The following OLFML1 variants were observed in gnomAD, a reference collection of about 807,000 sequenced individuals.
OLFML1 encodes the protein olfactomedin like 1.
OLFML1 carries 33 observed loss-of-function variants against 37.3 expected under a neutral mutation model. That is an observed-to-expected ratio of 0.88 (90% CI 0.67 to 1.18). OLFML1 has a LOEUF of 1.18. Among genes scored for constraint, OLFML1 ranks in the 50% most tolerant of loss-of-function variants. The probability of loss-of-function intolerance (pLI) is 0.00; values close to 1 mark genes in which losing one functional copy is unlikely to be tolerated. For synonymous variants in OLFML1, 186 were observed against 181.3 expected, an observed-to-expected ratio of 1.03 and a Z score of -0.21; for missense variants, 545 against 483.7, an observed-to-expected ratio of 1.13 and a Z score of -1.19.
At position 7,510,843 on chromosome 11, in the gene OLFML1, C is replaced by T. The variant is rs1848851375; in HGVS notation, c.*655C>T. 6.6e-6 allele frequency: 1 copy of T among 152,178 alleles called. No homozygotes were observed. Among genetic ancestry groups the T allele is most frequent in the African/African-American group, 2.4e-5 (1 of 41,424 alleles). The allele number at this position is 152,178 out of a possible 1,614,324, so 9.4% of individuals were successfully genotyped here. ...TTATTGAGGTTTAACCTCTATTTCC[C>T]CTAGCCCTGTCCTTCCACTAAGCTT... On this transcript the variant is annotated 3_prime_UTR_variant, in exon 3 of 3. Coordinates refer to ENST00000329293, the MANE Select transcript of OLFML1 (RefSeq NM_198474.4).
At chr11:7,493,370 G>A (rs913300198) in intron 2 of OLFML1, among the ~76,000 whole-genome samples, 1 of 152,198 alleles carries the variant, frequency 6.6e-6, no homozygotes, top group Non-Finnish European at 1.5e-5. Context: ...CAAATAAAAT[G>A]TATCTGTTTG....
chr11:7,489,875 A>AT, intron 2 of OLFML1, among the ~76,000 whole-genome samples: 1 of 151,926 alleles, frequency 6.6e-6, no homozygotes, highest in African/African-American at 2.4e-5. Context: ...TTACTCTATA[A>AT]TTTTTTTCAG....
At chr11:7,489,527 C>T (rs1264969816) in intron 2 of OLFML1, among the ~76,000 whole-genome samples, 1 of 151,756 alleles carries the variant, frequency 6.6e-6, no homozygotes, top group Non-Finnish European at 1.5e-5. Flanking sequence ...AGTTGAAGCT[C>T]ACTGGAGAAA....
chr11:7,503,498 G>A (rs1240797140), intron 2 of OLFML1, among the ~76,000 whole-genome samples: 7 of 152,186 alleles, frequency 4.6e-5, no homozygotes, highest in South Asian at 2.1e-4. Context: ...GGAGGCTGCC[G>A]GTGACCTTGA....
At chr11:7,494,016 C>T (rs1848633606) in intron 2 of OLFML1, among the ~76,000 whole-genome samples, 2 of 152,164 alleles carry the variant, frequency 1.3e-5, no homozygotes, top group African/African-American at 4.8e-5. Context: ...AGGGGGCAGG[C>T]ATTAAGTAGA....
At position 7,488,320 on chromosome 11, in the gene OLFML1, C is replaced by G. The variant is rs150131057; in HGVS notation, c.323C>G (p.Ala108Gly). 1.6e-4 allele frequency: 264 copies of G among 1,614,052 alleles called. 1 individual carries two copies. The African/African-American group carries it at 3.3e-3, about 20-fold the overall frequency. ...EIDYIQYLREADECIESEDKT... is the reference protein window; with the variant it reads ...EIDYIQYLREGDECIESEDKT... ...GACTACATACAATACCTTCGAGAGGCTGACGAGTGCATCGAATCAGAGGAC... is the reference window on the plus strand; with the variant it reads ...GACTACATACAATACCTTCGAGAGGGTGACGAGTGCATCGAATCAGAGGAC... Residue 108 changes from alanine (A) to glycine (G), a missense_variant, in exon 2 of 3, where the codon GCT becomes GGT. Coordinates refer to ENST00000329293, the MANE Select transcript of OLFML1 (RefSeq NM_198474.4).
intron 2 of OLFML1, among the ~76,000 whole-genome samples, chr11:7,491,951 T>C (rs1032429869): frequency 2.6e-5 from 4 of 152,192 alleles, no homozygotes; most frequent in African/African-American, 9.7e-5. Context: ...TAATTTCCTA[T>C]TGATAACTTC....
chr11:7,487,659 T>C (rs2134174047), intron 1 of OLFML1, among the ~76,000 whole-genome samples: 1 of 152,276 alleles, frequency 6.6e-6, no homozygotes, highest in Non-Finnish European at 1.5e-5. Flanking sequence ...CCCTTAATAA[T>C]CTGATGAAGA....
At chr11:7,502,460 A>G (rs1307377974) in intron 2 of OLFML1, among the ~76,000 whole-genome samples, 1 of 152,242 alleles carries the variant, frequency 6.6e-6, no homozygotes, top group African/African-American at 2.4e-5. Flanking sequence ...GTAAGAAAAA[A>G]TCAGGGAGAC....
At chr11:7,500,771 C>T (rs1309169851) in intron 2 of OLFML1, among the ~76,000 whole-genome samples, 18 of 150,376 alleles carry the variant, frequency 1.2e-4, no homozygotes, top group Non-Finnish European at 1.8e-4. Flanking sequence ...TGGTAGCTCA[C>T]GCCTGTAATA....
chr11:7,500,704 A>T (rs954513894), intron 2 of OLFML1, among the ~76,000 whole-genome samples: 1 of 151,618 alleles, frequency 6.6e-6, no homozygotes, highest in Non-Finnish European at 1.5e-5. Flanking sequence ...ATCAATTAAA[A>T]ATAAAATGTT....
chr11:7,485,913 T>C lies in OLFML1; in HGVS notation c.38T>C (p.Val13Ala). The C allele has an allele frequency of 6.2e-7, 1 of 1,613,938 alleles. No homozygotes were observed. Among genetic ancestry groups the C allele is most frequent in the Non-Finnish European group, 8.5e-7 (1 of 1,179,938 alleles). ...VALRGASALLVLFLAAFLPPP... is the reference protein window; with the variant it reads ...VALRGASALLALFLAAFLPPP... ...CTTCGAGGAGCTTCTGCATTGCTGGTTCTGTTCCTTGCAGCTTTTCTGCCC... is the reference window on the plus strand; with the variant it reads ...CTTCGAGGAGCTTCTGCATTGCTGGCTCTGTTCCTTGCAGCTTTTCTGCCC... Residue 13 changes from valine (V) to alanine (A), a missense_variant, in exon 1 of 3, where the codon GTT (valine) becomes GCT (alanine). Physicochemically the swap from Val to Ala is moderately conservative, Grantham distance 64. Coordinates refer to ENST00000329293, the MANE Select transcript of OLFML1 (RefSeq NM_198474.4).
At position 7,509,557 on chromosome 11, in the gene OLFML1, G is replaced by T; in HGVS notation, c.578G>T (p.Arg193Leu). Residue 193 changes from arginine to leucine, a missense_variant, in exon 3 of 3, where the codon CGG (arginine) becomes CTG (leucine). By Grantham distance (102) the Arg-to-Leu change is moderately radical. Transcript: ENST00000329293. ...NNTVWEFANIRAFMEDNTKPA... is the reference protein window; with the variant it reads ...NNTVWEFANILAFMEDNTKPA... ...ACTGTTTGGGAATTTGCAAACATAC[G>T]GGCATTCATGGAGGATAACACCAAG... 1.2e-6 allele frequency: 2 copies of T among 1,614,100 alleles called. No individual in the cohort carries two copies. Among genetic ancestry groups the T allele is most frequent in the South Asian group, 2.2e-5 (2 of 91,082 alleles).
intron 2 of OLFML1, among the ~76,000 whole-genome samples, chr11:7,502,553 G>C (rs1375405889): frequency 6.6e-6 from 1 of 152,106 alleles, no homozygotes; most frequent in African/African-American, 2.4e-5. Flanking sequence ...GGTTGAAAGT[G>C]AGATGTATAT....
At chr11:7,493,657 T>C (rs1473640418) in intron 2 of OLFML1, among the ~76,000 whole-genome samples, 6 of 152,298 alleles carry the variant, frequency 3.9e-5, no homozygotes, top group East Asian at 3.9e-4. Context: ...CTGTGCTGGG[T>C]TCAGAAAGGC....
At chr11:7,500,598 G>A (rs1263425148) in intron 2 of OLFML1, among the ~76,000 whole-genome samples, 2 of 151,948 alleles carry the variant, frequency 1.3e-5, no homozygotes, top group African/African-American at 4.8e-5. Flanking sequence ...GGAAAATGGG[G>A]ATTAAAATAT....
At chr11:7,494,165 G>T (rs189072963) in intron 2 of OLFML1, among the ~76,000 whole-genome samples, 1 of 152,340 alleles carries the variant, frequency 6.6e-6, no homozygotes, top group Admixed American at 6.5e-5. Flanking sequence ...ACAGCATGTG[G>T]CAGCACAAAG....
At chr11:7,490,144 C>T (rs529572318) in intron 2 of OLFML1, among the ~76,000 whole-genome samples, 5 of 29,334 alleles carry the variant, frequency 1.7e-4, no homozygotes, top group Admixed American at 4.0e-4. Context: ...GGGGGGGGGG[C>T]GGGGAACCAA....
chr11:7,497,327 T>C (rs545217805), intron 2 of OLFML1, among the ~76,000 whole-genome samples: 2 of 152,338 alleles, frequency 1.3e-5, no homozygotes, highest in South Asian at 2.1e-4. Flanking sequence ...TTTTCTTTCA[T>C]TTTTTAGAGC....
Sources: allele counts gnomAD v4.1 joint callset (sites outside exome capture counted in the v4.1 genomes callset), GRCh38; gene constraint gnomAD v4.1.1; transcripts MANE v1.5; gene names NCBI Gene and HGNC (gene_info 2026-07-23, HGNC 2026-07-21).